Variants in CD274 observed in about 807,000 individuals in gnomAD.
The protein encoded by CD274 is programmed cell death 1 ligand 1.
CD274 carries 8 observed loss-of-function variants against 30.1 expected under a neutral mutation model. The ratio of observed to expected loss-of-function variants is 0.27; its 90% CI spans 0.16 to 0.48. CD274 has a LOEUF of 0.48. CD274 is among the 20% of genes least tolerant of loss of function. CD274 has a pLI of 0.99. For synonymous variants in CD274, 152 were observed against 124.6 expected, an observed-to-expected ratio of 1.22 and a Z score of -1.46; for missense variants, 353 against 346.6, an observed-to-expected ratio of 1.02 and a Z score of -0.15.
chr9:5,462,766 C>A, intron 3 of CD274, 68 bp from the exon 4 acceptor site: 1 of 1,400,694 alleles, frequency 7.1e-7, no homozygotes, highest in Non-Finnish European at 9.9e-7. Flanking sequence ...CTAATGTGGA[C>A]AGCATCAAGC....
chr9:5,453,261 C>T (rs1282986096), intron 1 of CD274, among the ~76,000 whole-genome samples: 1 of 152,036 alleles, frequency 6.6e-6, no homozygotes, highest in Admixed American at 6.5e-5. Context: ...ACATGAAGGA[C>T]TCATACAGGT....
intron 3 of CD274, among the ~76,000 whole-genome samples, chr9:5,458,702 A>T (rs6415794): frequency 0.61 from 93,534 of 152,116 alleles, 29,767 homozygotes; most frequent in East Asian, 0.92. Flanking sequence ...GGTCCCTGAT[A>T]CTGGCTCAGG....
At chr9:5,463,338 G>C in intron 4 of CD274, 1 of 558,842 alleles carries the variant, frequency 1.8e-6, no homozygotes, top group Admixed American at 3.1e-5. Flanking sequence ...TATACCTTTT[G>C]TTCCATGCAT....
chr9:5,460,463 T>C lies in CD274; in HGVS notation c.395-2371T>C, dbSNP rs77176119. Among the ~76,000 whole-genome samples, 1,145 of 152,250 alleles carry C rather than the reference T, an allele frequency of 7.5e-3. 16 individuals are homozygous for C. The highest frequency in any genetic ancestry group is 0.027 in the African/African-American group (1,104 of 41,538). ...TAAGATGAGTATTTTTCACATTTTG[T>C]TGTGTCTGAAATCTGAGTGTGTCTT... is the stretch of plus-strand genomic sequence containing the variant. On this transcript the variant is annotated intron_variant, in intron 3 of 6. Coordinates refer to ENST00000381577, the MANE Select transcript of CD274 (RefSeq NM_014143.4).
At position 5,465,368 on chromosome 9, in the gene CD274, C is replaced by T. The variant is rs1168678774; in HGVS notation, c.683-131C>T. ...AACACAGGTATCTCGCCATTCCAGC[C>T]ACTCAAACTTTGGCATTTAAGAAAA... On this transcript the variant is annotated intron_variant, in intron 4 of 6. Coordinates refer to ENST00000381577, the MANE Select transcript of CD274 (RefSeq NM_014143.4). 5.0e-6 allele frequency: 3 copies of T among 596,482 alleles called. No homozygotes were observed. The South Asian group carries it at 5.8e-5, about 12-fold the overall frequency. The allele number at this position is 596,482 out of a possible 1,614,324, so 36.9% of individuals were successfully genotyped here. A position where few individuals can be genotyped will look rare whatever the true frequency, so the allele number is the denominator to read the frequency against.
At position 5,457,383 on chromosome 9, in the gene CD274, T is replaced by A. The variant is rs1819325666; in HGVS notation, c.357T>A (p.Gly119=). Reference sequence around the variant, plus strand: ...TGTACCGCTGCATGATCAGCTATGGTGGTGCCGACTACAAGCGAATTACTG... The same window carrying A: ...TGTACCGCTGCATGATCAGCTATGGAGGTGCCGACTACAAGCGAATTACTG... The part of the protein sequence containing the change: ...AGVYRCMISY[G]GADYKRITVK... The change falls in exon 3 of 7, where the codon GGT becomes GGA. Residue 119 remains glycine, a synonymous_variant. Transcript: ENST00000381577. The A allele has an allele frequency of 6.2e-7, 1 of 1,613,832 alleles. No homozygotes were observed. The highest frequency in any genetic ancestry group is 8.5e-7 in the Non-Finnish European group (1 of 1,179,876).
At position 5,468,880 on chromosome 9, in the gene CD274, G is replaced by A. The variant is rs551235993; in HGVS notation, c.*1018G>A. 160 of 233,108 alleles carry A rather than the reference G, an allele frequency of 6.9e-4. No homozygotes were observed. The highest frequency in any genetic ancestry group is 3.2e-3 in the African/African-American group (147 of 45,450). 14.4% of individuals were successfully genotyped at this position (233,108 alleles called of 1,614,324 possible). ...TTTATTCAAAAACCATTTATTAAGT[G>A]CCCTTGCAATATCAATCGCTGTGCC... On this transcript the variant is annotated 3_prime_UTR_variant, in exon 7 of 7. Coordinates refer to ENST00000381577, the MANE Select transcript of CD274 (RefSeq NM_014143.4).
intron 3 of CD274, among the ~76,000 whole-genome samples, chr9:5,461,360 T>C (rs968258649): frequency 2.0e-5 from 3 of 152,194 alleles, no homozygotes; most frequent in Admixed American, 2.0e-4. Context: ...GATAAGAGAA[T>C]TTGAAAATCC....
intron 3 of CD274, among the ~76,000 whole-genome samples, chr9:5,458,844 A>G (rs1213206105): frequency 6.6e-6 from 1 of 152,166 alleles, no homozygotes. Context: ...TCTCCAGTCC[A>G]TCCGCAAATA....
In CD274 at chr9:5,468,100, C is replaced by G. The variant is rs1011133239; in HGVS notation, c.*238C>G. The G allele has an allele frequency of 1.0e-4, 56 of 542,436 alleles. No homozygotes were observed. In the Admixed American group the frequency reaches 1.4e-3, roughly 14 times the overall value. 33.6% of individuals were successfully genotyped at this position (542,436 alleles called of 1,614,324 possible). On this transcript the variant is annotated 3_prime_UTR_variant, in exon 7 of 7. Transcript: ENST00000381577. ...TTGATACTTTCAAATGCCTGAGGGG[C>G]TCATCGACGCCTGTGACAGGGAGAA...
At position 5,469,022 on chromosome 9, in the gene CD274, T is replaced by A. The variant is rs1046719528; in HGVS notation, c.*1160T>A. 8 of 232,934 alleles carry A rather than the reference T, an allele frequency of 3.4e-5. No homozygotes were observed. Among genetic ancestry groups the A allele is most frequent in the African/African-American group, 1.8e-4 (8 of 45,304 alleles). The allele number at this position is 232,934 out of a possible 1,614,324, so 14.4% of individuals were successfully genotyped here. ...TACAATTTAGTCCAGTGTCATAGCA[T>A]AAGGATGATGCGAGGGGAAAACCCG... On this transcript the variant is annotated 3_prime_UTR_variant, in exon 7 of 7. Transcript: ENST00000381577.
chr9:5,467,315 C>A (rs1819513706), intron 6 of CD274, among the ~76,000 whole-genome samples: 1 of 152,052 alleles, frequency 6.6e-6, no homozygotes, highest in South Asian at 2.1e-4. Context: ...CAGCTGATCA[C>A]AAAAATCAAG....
At chr9:5,450,886 C>G (rs575810788) in intron 1 of CD274, among the ~76,000 whole-genome samples, 3 of 152,310 alleles carry the variant, frequency 2.0e-5, no homozygotes, top group Admixed American at 2.0e-4. Context: ...CATTCTTATG[C>G]GACTGTGTGT....
In CD274 at chr9:5,469,796, G is replaced by A; in HGVS notation, c.*1934G>A. On this transcript the variant is annotated 3_prime_UTR_variant, in exon 7 of 7. Coordinates refer to ENST00000381577, the MANE Select transcript of CD274 (RefSeq NM_014143.4). ...AAAGGAGACCCATGGGCTCTCCAGG[G>A]TGCACTGAGTCAATCTAGTCCTAAA... The A allele has an allele frequency of 4.3e-6, 1 of 232,908 alleles. No individual in the cohort carries two copies. Among genetic ancestry groups the A allele is most frequent in the Admixed American group, 5.6e-5 (1 of 17,788 alleles). 14.4% of individuals were successfully genotyped at this position (232,908 alleles called of 1,614,324 possible).
chr9:5,464,342 C>A (rs1245609700), intron 4 of CD274, among the ~76,000 whole-genome samples: 1 of 152,064 alleles, frequency 6.6e-6, no homozygotes, highest in Non-Finnish European at 1.5e-5. Flanking sequence ...CCTGGCATGC[C>A]TAACTCATAA....
At chr9:5,458,349 T>C (rs895488033) in intron 3 of CD274, among the ~76,000 whole-genome samples, 19 of 152,268 alleles carry the variant, frequency 1.2e-4, no homozygotes, top group Non-Finnish European at 2.5e-4. Flanking sequence ...GTCCCTGTCA[T>C]ATCCCACAAT....
intron 2 of CD274, 83 bp downstream of exon 2, chr9:5,456,248 G>A: frequency 1.2e-6 from 1 of 864,140 alleles, no homozygotes; most frequent in Non-Finnish European, 1.9e-6. Context: ...CATTTAAAAT[G>A]CATGCAATTT....
chr9:5,458,323 T>C (rs1042966821), intron 3 of CD274, among the ~76,000 whole-genome samples: 2 of 152,250 alleles, frequency 1.3e-5, no homozygotes, highest in Non-Finnish European at 2.9e-5. Context: ...TCTGTTCTTA[T>C]ATTTCCTGCA....
intron 3 of CD274, 116 bp from the exon 4 acceptor site, chr9:5,462,718 C>A: frequency 2.2e-6 from 2 of 894,686 alleles, no homozygotes; most frequent in Non-Finnish European, 3.4e-6. Flanking sequence ...GAACATTAAG[C>A]ATATCCCTCT....
Sources: allele counts gnomAD v4.1 joint callset (sites outside exome capture counted in the v4.1 genomes callset), GRCh38; gene constraint gnomAD v4.1.1; transcripts MANE v1.5; gene names NCBI Gene and HGNC (gene_info 2026-07-23, HGNC 2026-07-21).